PTPRF: variants seen among roughly 807,000 people sequenced by gnomAD.
The protein encoded by PTPRF is receptor-type tyrosine-protein phosphatase F.
In PTPRF, 59 loss-of-function variants were observed where a neutral mutation model predicts 201.8. The observed-to-expected ratio is 0.29, with a 90% CI of 0.24 to 0.36. The LOEUF (loss-of-function observed/expected upper bound fraction) is 0.36. PTPRF is among the 10% of genes least tolerant of loss of function. PTPRF has a pLI of 1.00. For missense variants in PTPRF, 2,132 were observed against 2,690.5 expected (o/e 0.79, Z 4.59); for synonymous variants, 1,088 against 1,089.7 (o/e 1.00, Z 0.03).
At chr1:43,572,623 C>T (rs1489857115) in intron 6 of PTPRF, among the ~76,000 whole-genome samples, 1 of 152,212 alleles carries the variant, frequency 6.6e-6, no homozygotes, top group Admixed American at 6.5e-5. Flanking sequence ...TCAGGGACAG[C>T]CCTTCATGGA....
chr1:43,572,241 G>A (rs1646624238), intron 6 of PTPRF, among the ~76,000 whole-genome samples: 1 of 148,752 alleles, frequency 6.7e-6, no homozygotes, highest in African/African-American at 2.4e-5. Flanking sequence ...GGTGAGGTCA[G>A]CTGTAGGACA....
At chr1:43,606,662 A>G in intron 20 of PTPRF, 152 bp from the exon 21 acceptor site, 1 of 1,207,470 alleles carries the variant, frequency 8.3e-7, no homozygotes, top group Middle Eastern at 2.4e-4. Context: ...ATGTGGCTCC[A>G]GGGACCCAGT....
intron 22 of PTPRF, among the ~76,000 whole-genome samples, chr1:43,610,122 C>T (rs1408149968): frequency 1.3e-5 from 2 of 152,138 alleles, no homozygotes; most frequent in Non-Finnish European, 1.5e-5. Flanking sequence ...CCAGGAACCT[C>T]CCTCCTTCTT....
intron 11 of PTPRF, 117 bp from the exon 12 acceptor site, chr1:43,597,631 T>C: frequency 1.3e-6 from 1 of 785,388 alleles, no homozygotes; most frequent in Non-Finnish European, 2.0e-6. Context: ...GGGATGGCCA[T>C]TTCAGCACCT....
chr1:43,559,856 C>T (rs560284860), intron 5 of PTPRF, among the ~76,000 whole-genome samples: 1 of 140,730 alleles, frequency 7.1e-6, no homozygotes, highest in East Asian at 2.1e-4. Flanking sequence ...GTGGGGTGTG[C>T]AGCAGGTGGT....
chr1:43,619,848 G>A lies in PTPRF; in HGVS notation c.5101G>A (p.Asp1701Asn). 6.2e-7 allele frequency: 1 copy of A among 1,614,098 alleles called. No individual in the cohort carries two copies. The highest frequency in any genetic ancestry group is 2.2e-5 in the East Asian group (1 of 44,892). Residue 1701 changes from aspartate to asparagine, a missense_variant, in exon 29 of 34, where the codon GAT becomes AAT. This residue lies in a region of PTPRF where 519 missense variants were observed against 659.5 expected (regional missense o/e 0.79). Coordinates refer to ENST00000359947, the MANE Select transcript of PTPRF (RefSeq NM_002840.5). ...TGACTACATCAATGCCAGCTTCCTG[G>A]ATGGTTATAGGTCAGCATGCATGTC... The part of the protein sequence containing the change: ...GSDYINASFL[D>N]GYRQQKAYIA...
At chr1:43,561,136 C>A (rs1228161578) in intron 5 of PTPRF, among the ~76,000 whole-genome samples, 1 of 152,140 alleles carries the variant, frequency 6.6e-6, no homozygotes, top group East Asian at 1.9e-4. Flanking sequence ...TACCCCCTGA[C>A]CACTCCACAA....
intron 7 of PTPRF, among the ~76,000 whole-genome samples, chr1:43,585,396 A>C (rs944099655): frequency 3.9e-5 from 6 of 152,076 alleles, no homozygotes; most frequent in Non-Finnish European, 8.8e-5. Flanking sequence ...CCTCCCTCAC[A>C]TGGAAAATGT....
At chr1:43,608,360 A>G (rs1326932837) in intron 21 of PTPRF, among the ~76,000 whole-genome samples, 1 of 152,088 alleles carries the variant, frequency 6.6e-6, no homozygotes, top group African/African-American at 2.4e-5. Context: ...TTCTCTCTTC[A>G]CACACCTCCC....
upstream of PTPRF, among the ~76,000 whole-genome samples, chr1:43,526,696 G>C (rs1643129383): frequency 6.6e-6 from 1 of 152,202 alleles, no homozygotes; most frequent in Non-Finnish European, 1.5e-5. Flanking sequence ...GAAAGCCAAG[G>C]ACTAAGGGCT....
In PTPRF at chr1:43,553,025, T is replaced by TA. The variant is rs1186802212; in HGVS notation, c.92-467_92-466insA. Among the ~76,000 whole-genome samples, 3 of 150,954 alleles carry TA rather than the reference T, an allele frequency of 2.0e-5. No individual in the cohort carries two copies. The highest frequency in any genetic ancestry group is 3.0e-5 in the Non-Finnish European group (2 of 67,706). On this transcript the variant is annotated intron_variant, in intron 3 of 33. Transcript: ENST00000359947. The surrounding 1 kb of genome is among the most constrained non-coding windows in gnomAD (Gnocchi z 4.1). ...TCGGTTCCTGGCCGGAGCCCCGGGG[T>TA]GGATGGTGGTGCCATCACTGAGATG...
At chr1:43,597,588 C>T (rs1314531693) in intron 11 of PTPRF, among the ~76,000 whole-genome samples, 160 bp from the exon 12 acceptor site, 3 of 152,054 alleles carry the variant, frequency 2.0e-5, no homozygotes, top group East Asian at 1.9e-4. Flanking sequence ...GTGTCCTTGG[C>T]GAGAGTGGCA....
At chr1:43,597,420 C>T (rs1652604980) in intron 11 of PTPRF, among the ~76,000 whole-genome samples, 1 of 151,910 alleles carries the variant, frequency 6.6e-6, no homozygotes, top group Non-Finnish European at 1.5e-5. Flanking sequence ...GTGTGTGTGA[C>T]ACAGCGTGTG....
intron 23 of PTPRF, among the ~76,000 whole-genome samples, chr1:43,615,577 T>TC (rs1657614061): frequency 1.1e-5 from 1 of 94,282 alleles, no homozygotes; most frequent in South Asian, 2.9e-4. Flanking sequence ...TTTTTTTTTT[T>TC]TTTTCTTTTT....
At chr1:43,526,700 A>G (rs928984468), upstream of PTPRF, among the ~76,000 whole-genome samples, 1 of 152,184 alleles carries the variant, frequency 6.6e-6, no homozygotes, top group Non-Finnish European at 1.5e-5. Context: ...GCCAAGGACT[A>G]AGGGCTGCAA....
chr1:43,606,768 G>A (rs544182799), intron 20 of PTPRF, 46 bp from the exon 21 acceptor site: 31 of 1,597,480 alleles, frequency 1.9e-5, no homozygotes, highest in Non-Finnish European at 2.5e-5. Flanking sequence ...AGGGTGGGGG[G>A]TTCTCACGCT....
At chr1:43,557,193 G>C (rs1041570338) in intron 5 of PTPRF, among the ~76,000 whole-genome samples, 1 of 152,242 alleles carries the variant, frequency 6.6e-6, no homozygotes, top group Non-Finnish European at 1.5e-5. Context: ...AGTATTGAAA[G>C]AGGAGTCCTT....
intron 5 of PTPRF, among the ~76,000 whole-genome samples, chr1:43,563,511 C>T (rs1645951885): frequency 6.6e-6 from 1 of 152,040 alleles, no homozygotes; most frequent in Non-Finnish European, 1.5e-5. Flanking sequence ...ACAGAAGGAG[C>T]CCCAGGAACC....
At chr1:43,597,252 T>A (rs1202929210) in intron 11 of PTPRF, among the ~76,000 whole-genome samples, 1 of 152,160 alleles carries the variant, frequency 6.6e-6, no homozygotes, top group East Asian at 1.9e-4. Context: ...AGACTGTGTG[T>A]GTGAAACACT....
Sources: gnomAD v4.1 joint callset for allele counts (sites outside exome capture counted in the v4.1 genomes callset) on GRCh38, gnomAD v4.1.1 for gene constraint, gnomAD v4.1.1 regional missense constraint, Gnocchi (gnomAD v3.1) non-coding constraint, MANE v1.5 for transcripts, NCBI Gene and HGNC (gene_info 2026-07-23, HGNC 2026-07-21) for gene names.